POU6F2: variants seen among roughly 807,000 people sequenced by gnomAD.
POU6F2 encodes the protein POU domain, class 6, transcription factor 2.
Under a neutral mutation model 71.3 loss-of-function variants are expected in POU6F2, and 31 were observed. That is an observed-to-expected ratio of 0.43 (90% CI 0.33 to 0.59). POU6F2 has a LOEUF of 0.59. Ranked by LOEUF, POU6F2 falls within the 20% of genes least tolerant of loss-of-function variation. The probability of loss-of-function intolerance (pLI) is 0.04; values close to 1 mark genes in which losing one functional copy is unlikely to be tolerated. For missense variants in POU6F2, 783 were observed against 856.8 expected (o/e 0.91, Z 1.07); for synonymous variants, 347 against 355.7 (o/e 0.98, Z 0.27).
intron 4 of POU6F2, among the ~76,000 whole-genome samples, chr7:39,298,446 A>G (rs1044968159): frequency 9.2e-5 from 14 of 152,236 alleles, no homozygotes; most frequent in Non-Finnish European, 1.6e-4. Flanking sequence ...AATGCAAATC[A>G]AAACCACAAG....
intron 1 of POU6F2, among the ~76,000 whole-genome samples, chr7:38,988,043 G>C (rs1370400999): frequency 6.6e-6 from 1 of 152,090 alleles, no homozygotes; most frequent in Admixed American, 6.6e-5. Context: ...GCAGAGTATG[G>C]CTTTAATATT....
rs1357530221 is a variant in POU6F2 at position 39,464,529 on chromosome 7, T to C, written c.2006T>C (p.Ile669Thr). The change falls in exon 10 of 10, where the codon ATT becomes ACT. Residue 669 changes from isoleucine (I) to threonine (T), a missense_variant. Physicochemically the swap from Ile to Thr is moderately conservative, Grantham distance 89 (BLOSUM62 -1). This residue lies in a region of POU6F2 where 211 missense variants were observed against 283.9 expected (regional missense o/e 0.74). Coordinates refer to ENST00000518318, the MANE Select transcript of POU6F2 (RefSeq NM_001370959.1). The surrounding 1 kb of genome is among the most constrained non-coding windows in gnomAD (Gnocchi z 4.1). Reference sequence around the variant, plus strand: ...CCTTCTGGGCAGGAAATGACCGAAATTGCTGAGAAGCTGAACTATGACCGA... The same window carrying C: ...CCTTCTGGGCAGGAAATGACCGAAACTGCTGAGAAGCTGAACTATGACCGA... ...THPSGQEMTEIAEKLNYDREV... is the reference protein window; with the variant it reads ...THPSGQEMTETAEKLNYDREV... 2 of 1,613,378 alleles carry C rather than the reference T, an allele frequency of 1.2e-6. No homozygotes were observed. The highest frequency in any genetic ancestry group is 1.1e-5 in the South Asian group (1 of 90,946).
chr7:39,388,053 A>G (rs749921608), intron 5 of POU6F2, among the ~76,000 whole-genome samples: 71 of 152,242 alleles, frequency 4.7e-4, no homozygotes, highest in Non-Finnish European at 9.3e-4. Flanking sequence ...GACCTTTCAA[A>G]GAAGGAGCAG....
intron 9 of POU6F2, among the ~76,000 whole-genome samples, chr7:39,461,712 G>A (rs1163363769): frequency 6.6e-6 from 1 of 152,140 alleles, no homozygotes; most frequent in Non-Finnish European, 1.5e-5. Flanking sequence ...TTTGCTCAAT[G>A]ATTTCCCATA....
At chr7:39,233,027 A>G (rs960382295) in intron 4 of POU6F2, among the ~76,000 whole-genome samples, 7 of 152,206 alleles carry the variant, frequency 4.6e-5, no homozygotes, top group Non-Finnish European at 1.0e-4. Context: ...GTAGCATATT[A>G]TATATTTTAA....
At chr7:39,362,607 C>T (rs1394031489) in intron 5 of POU6F2, among the ~76,000 whole-genome samples, 1 of 152,072 alleles carries the variant, frequency 6.6e-6, no homozygotes, top group Non-Finnish European at 1.5e-5. Context: ...GTGTGTTAAG[C>T]ACTTACAGAT....
chr7:39,044,081 G>A (rs1790245163), intron 1 of POU6F2, among the ~76,000 whole-genome samples: 1 of 151,836 alleles, frequency 6.6e-6, no homozygotes, highest in African/African-American at 2.4e-5. Flanking sequence ...CTGGGCGTAG[G>A]GACTTAAAGA....
chr7:38,982,203 T>C (rs1788337034), intron 1 of POU6F2, among the ~76,000 whole-genome samples: 1 of 152,110 alleles, frequency 6.6e-6, no homozygotes, highest in Non-Finnish European at 1.5e-5. Context: ...TCCCATATAC[T>C]CTTAAAAAAA....
chr7:39,296,558 G>A (rs2128763506), intron 4 of POU6F2, among the ~76,000 whole-genome samples: 1 of 152,200 alleles, frequency 6.6e-6, no homozygotes, highest in Admixed American at 6.5e-5. Context: ...CCTAAACACA[G>A]CCTCAAGGCC....
At chr7:39,463,422 G>T (rs954320999) in intron 9 of POU6F2, among the ~76,000 whole-genome samples, 1 of 152,220 alleles carries the variant, frequency 6.6e-6, no homozygotes, top group Non-Finnish European at 1.5e-5. Context: ...ACCGGCTGGT[G>T]TTTGGAAGGC....
intron 4 of POU6F2, among the ~76,000 whole-genome samples, chr7:39,306,269 C>G (rs1020365994): frequency 6.6e-6 from 1 of 152,224 alleles, no homozygotes; most frequent in Non-Finnish European, 1.5e-5. Context: ...ATTTGACCTT[C>G]CAACAGCCGT....
At chr7:38,990,155 A>AAAT (rs1358044705) in intron 1 of POU6F2, among the ~76,000 whole-genome samples, 1 of 152,150 alleles carries the variant, frequency 6.6e-6, no homozygotes, top group East Asian at 1.9e-4. Context: ...CATTTTTATG[A>AAAT]AATAATTGTA....
At chr7:39,263,334 A>G (rs1784174187) in intron 4 of POU6F2, among the ~76,000 whole-genome samples, 1 of 152,194 alleles carries the variant, frequency 6.6e-6, no homozygotes. Context: ...TATTTTATCT[A>G]ATCACACGTA....
chr7:39,352,661 T>C (rs1418193271), intron 5 of POU6F2, among the ~76,000 whole-genome samples: 1 of 152,192 alleles, frequency 6.6e-6, no homozygotes, highest in East Asian at 1.9e-4. Context: ...TTTTCAGAAA[T>C]AGTCACTCCT....
intron 2 of POU6F2, among the ~76,000 whole-genome samples, chr7:39,190,208 G>T (rs959901540): frequency 6.6e-6 from 1 of 151,820 alleles, no homozygotes; most frequent in African/African-American, 2.4e-5. Flanking sequence ...TCCTTTCAGT[G>T]AATCTATAAA....
chr7:39,351,213 G>A (rs897191139), intron 5 of POU6F2, among the ~76,000 whole-genome samples: 14 of 152,150 alleles, frequency 9.2e-5, no homozygotes, highest in South Asian at 6.2e-4. Context: ...GCTTTTTGCC[G>A]TAAGTATTGA....
At chr7:39,219,725 A>C (rs1042623741) in intron 4 of POU6F2, among the ~76,000 whole-genome samples, 10 of 152,232 alleles carry the variant, frequency 6.6e-5, no homozygotes, top group Admixed American at 5.2e-4. Flanking sequence ...AACTAAAAAA[A>C]TAAAAAAGAA....
At chr7:39,200,005 G>C (rs1055067015) in intron 2 of POU6F2, among the ~76,000 whole-genome samples, 52 of 152,216 alleles carry the variant, frequency 3.4e-4, no homozygotes, top group African/African-American at 1.2e-3. Context: ...AAAATTACCT[G>C]TGAACAAATC....
intron 5 of POU6F2, among the ~76,000 whole-genome samples, chr7:39,365,787 G>T (rs768416326): frequency 1.8e-4 from 27 of 152,216 alleles, no homozygotes; most frequent in Middle Eastern, 3.2e-3. Flanking sequence ...GGTGCTAGAG[G>T]TCTGAAGAGA....
Sources: allele counts gnomAD v4.1 joint callset (sites outside exome capture counted in the v4.1 genomes callset), GRCh38; gene constraint gnomAD v4.1.1; regional missense constraint gnomAD v4.1.1; non-coding constraint Gnocchi (gnomAD v3.1); transcripts MANE v1.5; gene names NCBI Gene and HGNC (gene_info 2026-07-23, HGNC 2026-07-21).